Variants in FRMD5 observed in about 807,000 individuals in gnomAD.
FRMD5 encodes FERM domain-containing protein 5.
FRMD5 carries 20 observed loss-of-function variants against 69.0 expected under a neutral mutation model. That is an observed-to-expected ratio of 0.29 (90% CI 0.20 to 0.42). The LOEUF is 0.42. Among genes scored for constraint, FRMD5 ranks in the 10% least tolerant of loss-of-function variants. The pLI, the probability that FRMD5 is intolerant of heterozygous loss-of-function variation, is 1.00. For missense variants in FRMD5, 595 were observed against 708.6 expected (o/e 0.84, Z 1.82); for synonymous variants, 271 against 260.1 (o/e 1.04, Z -0.40).
chr15:44,102,106 C>T (rs1384745075), intron 1 of FRMD5, among the ~76,000 whole-genome samples: 1 of 152,190 alleles, frequency 6.6e-6, no homozygotes, highest in African/African-American at 2.4e-5. Flanking sequence ...TGGACATATC[C>T]ACTCCCCTGG....
chr15:43,915,795 G>C (rs1219525367), intron 4 of FRMD5, among the ~76,000 whole-genome samples: 1 of 152,162 alleles, frequency 6.6e-6, no homozygotes, highest in Non-Finnish European at 1.5e-5. Context: ...TATGGGAATG[G>C]CTGAGACAGC....
chr15:43,998,902 T>G (rs1890059206), intron 1 of FRMD5, among the ~76,000 whole-genome samples: 1 of 152,168 alleles, frequency 6.6e-6, no homozygotes, highest in Admixed American at 6.5e-5. Context: ...CGTCACTTTC[T>G]AGAACACAGA....
chr15:43,951,961 ATGTGTGTGTGTGTGTGTGTTGTG>A lies in FRMD5; in HGVS notation c.103-27675_103-27653del, dbSNP rs1327153631. Among the ~76,000 whole-genome samples, 20 of 111,748 alleles carry A rather than the reference ATGTGTGTGTGTGTGTGTGTTGTG, an allele frequency of 1.8e-4. 1 individual carries two copies. The highest frequency in any genetic ancestry group is 8.9e-4 in the African/African-American group (18 of 20,244). The allele number at this position is 111,748 out of a possible 152,430, so 73.3% of individuals were successfully genotyped here. On this transcript the variant is annotated intron_variant, in intron 1 of 13. Coordinates refer to ENST00000417257, the MANE Select transcript of FRMD5 (RefSeq NM_032892.5). ...TTTTTGGGCCCGAGTCTGTATGTGCATGTGTGTGTGTGTGTGTGTTGTGTGTGTGTGTGTGTGTCTGTGTGTGT... is the reference window on the plus strand; with the variant it reads ...TTTTTGGGCCCGAGTCTGTATGTGCATGTGTGTGTGTGTGTCTGTGTGTGT...
intron 1 of FRMD5, among the ~76,000 whole-genome samples, chr15:44,117,294 G>A (rs949770238): frequency 2.0e-5 from 3 of 152,204 alleles, no homozygotes; most frequent in African/African-American, 7.2e-5. Flanking sequence ...GGACTGAAGA[G>A]CTAAGAAGAA....
chr15:44,050,656 C>CT (rs34621458), intron 1 of FRMD5, among the ~76,000 whole-genome samples: 9 of 142,510 alleles, frequency 6.3e-5, no homozygotes, highest in African/African-American at 1.6e-4. Context: ...GCACACTGGC[C>CT]TTTTTTTTTT....
intron 1 of FRMD5, among the ~76,000 whole-genome samples, chr15:43,969,702 G>A (rs991702226): frequency 8.5e-5 from 13 of 152,114 alleles, no homozygotes; most frequent in Admixed American, 3.3e-4. Flanking sequence ...GCCCTGAGAG[G>A]ACTGTACATT....
At chr15:43,881,861 C>G (rs1235479934) in intron 13 of FRMD5, among the ~76,000 whole-genome samples, 1 of 152,182 alleles carries the variant, frequency 6.6e-6, no homozygotes, top group Non-Finnish European at 1.5e-5. Context: ...TCCTAAAATC[C>G]TAAACACAAA....
chr15:44,122,276 A>T (rs1423896761), intron 1 of FRMD5, among the ~76,000 whole-genome samples: 3 of 152,120 alleles, frequency 2.0e-5, no homozygotes, highest in Non-Finnish European at 4.4e-5. Context: ...TTTTGAAAAG[A>T]TAATAGGCTG....
intron 1 of FRMD5, among the ~76,000 whole-genome samples, chr15:44,140,279 A>C (rs988763958): frequency 6.6e-6 from 1 of 152,166 alleles, no homozygotes; most frequent in Admixed American, 6.5e-5. Flanking sequence ...AACAGAAATA[A>C]TCATATATAG....
intron 1 of FRMD5, among the ~76,000 whole-genome samples, chr15:43,947,622 G>T (rs1044632993): frequency 7.9e-5 from 12 of 152,190 alleles, no homozygotes; most frequent in African/African-American, 2.9e-4. Context: ...GCAAGGGGAT[G>T]AATGGTTGCA....
intron 1 of FRMD5, among the ~76,000 whole-genome samples, chr15:44,154,846 A>T (rs576182704): frequency 6.6e-6 from 1 of 152,308 alleles, no homozygotes; most frequent in African/African-American, 2.4e-5. Flanking sequence ...ATTCTCCAAA[A>T]ATTGTGGTGA....
intron 2 of FRMD5, among the ~76,000 whole-genome samples, chr15:43,921,889 G>A (rs936840198): frequency 6.6e-6 from 1 of 152,174 alleles, no homozygotes; most frequent in Non-Finnish European, 1.5e-5. Flanking sequence ...ATGCATGGAG[G>A]CTCCTGCAGA....
At chr15:43,981,236 A>G (rs1374690683) in intron 1 of FRMD5, among the ~76,000 whole-genome samples, 2 of 152,196 alleles carry the variant, frequency 1.3e-5, no homozygotes, top group African/African-American at 2.4e-5. Context: ...CTGGGATTAC[A>G]GGCGTGAACC....
chr15:44,101,442 TTAAC>T, intron 1 of FRMD5: 1 of 152,770 alleles, frequency 6.5e-6, no homozygotes, highest in African/African-American at 2.4e-5. Context: ...CATAGCCTCA[TTAAC>T]TAACCTACTT....
At chr15:43,944,606 T>C (rs2089914218) in intron 1 of FRMD5, among the ~76,000 whole-genome samples, 1 of 151,138 alleles carries the variant, frequency 6.6e-6, no homozygotes, top group South Asian at 2.1e-4. Context: ...ATTTTTTTTT[T>C]CGAGATGGAG....
intron 1 of FRMD5, among the ~76,000 whole-genome samples, chr15:43,963,419 G>A (rs1477858103): frequency 1.3e-5 from 2 of 152,182 alleles, no homozygotes; most frequent in Admixed American, 1.3e-4. Flanking sequence ...AGGTGCTGGA[G>A]AGGATGTGGA....
In FRMD5 at chr15:44,035,628, T is replaced by C. The variant is rs1891874132; in HGVS notation, c.103-111319A>G. Reference sequence around the variant, plus strand: ...GTTATGATGTACTTATTAATGTTGCTAGGGTAAAACAGAAGTAATAAAATT... The same window carrying C: ...GTTATGATGTACTTATTAATGTTGCCAGGGTAAAACAGAAGTAATAAAATT... On this transcript the variant is annotated intron_variant, in intron 1 of 13. Coordinates refer to ENST00000417257, the MANE Select transcript of FRMD5 (RefSeq NM_032892.5). Among the ~76,000 whole-genome samples the C allele has an allele frequency of 2.0e-5, 3 of 152,240 alleles. No homozygotes were observed. The South Asian group carries it at 6.2e-4, about 32-fold the overall frequency.
chr15:43,943,912 C>A (rs1484460272), intron 1 of FRMD5, among the ~76,000 whole-genome samples: 3 of 152,220 alleles, frequency 2.0e-5, no homozygotes, highest in Non-Finnish European at 4.4e-5. Flanking sequence ...GGCAAAAGTT[C>A]CACACTGTCC....
At chr15:43,904,198 TG>T (rs916304477) in intron 6 of FRMD5, among the ~76,000 whole-genome samples, 1 of 152,148 alleles carries the variant, frequency 6.6e-6, no homozygotes, top group African/African-American at 2.4e-5. Context: ...GAAGGGTTTC[TG>T]GGGGGCCTGT....
Sources: gnomAD v4.1 joint callset for allele counts (sites outside exome capture counted in the v4.1 genomes callset) on GRCh38, gnomAD v4.1.1 for gene constraint, MANE v1.5 for transcripts, NCBI Gene and HGNC (gene_info 2026-07-23, HGNC 2026-07-21) for gene names.